Variants in PRRG1 observed in about 807,000 individuals in gnomAD.
PRRG1 encodes proline rich and Gla domain 1.
In PRRG1, 5 loss-of-function variants were observed where a neutral mutation model predicts 11.8. That is an observed-to-expected ratio of 0.42 (90% CI 0.22 to 0.89). PRRG1 has a LOEUF of 0.89. PRRG1 is among the 40% of genes least tolerant of loss of function. The probability of loss-of-function intolerance (pLI) is 0.28; values close to 1 mark genes in which losing one functional copy is unlikely to be tolerated. For missense variants in PRRG1, 155 were observed against 166.1 expected, an observed-to-expected ratio of 0.93 and a Z score of 0.37; for synonymous variants, 66 against 60.4, an observed-to-expected ratio of 1.09 and a Z score of -0.43.
chrX:37,441,005 G>A (rs939281217), intron 3 of PRRG1: 4 of 856,731 alleles, frequency 4.7e-6, no homozygotes, highest in East Asian at 3.8e-5. Flanking sequence ...CTGGACTCAA[G>A]TGATCCTCCT....
At chrX:37,403,993 G>T (rs1287185950) in intron 1 of PRRG1, among the ~76,000 whole-genome samples, 1 of 112,243 alleles carries the variant, frequency 8.9e-6, no homozygotes, top group Non-Finnish European at 1.9e-5. Context: ...AGTGATGCTT[G>T]TTGTCTCCAC....
chrX:37,387,162 T>C (rs1931355374), intron 1 of PRRG1, among the ~76,000 whole-genome samples: 1 of 112,038 alleles, frequency 8.9e-6, no homozygotes, highest in Non-Finnish European at 1.9e-5. Flanking sequence ...TTCCAAGACC[T>C]TATCAACCAA....
At chrX:37,452,466 C>T (rs1165657478) in intron 3 of PRRG1, among the ~76,000 whole-genome samples, 5 of 112,089 alleles carry the variant, frequency 4.5e-5, no homozygotes, top group African/African-American at 1.6e-4. Flanking sequence ...TCTTGAACTA[C>T]TGGACTACTT....
chrX:37,434,700 G>A (rs1270145166), intron 3 of PRRG1, among the ~76,000 whole-genome samples: 1 of 111,379 alleles, frequency 9.0e-6, no homozygotes, highest in African/African-American at 3.3e-5. Flanking sequence ...CATAGTTTTT[G>A]GAACAGAGAA....
intron 2 of PRRG1, among the ~76,000 whole-genome samples, chrX:37,422,745 A>G (rs1490771188): frequency 8.9e-6 from 1 of 111,962 alleles, no homozygotes; most frequent in Non-Finnish European, 1.9e-5. Context: ...TGATGGTCCC[A>G]TAAGATTAGG....
intron 3 of PRRG1, among the ~76,000 whole-genome samples, chrX:37,429,771 T>G (rs1195255452): frequency 4.5e-5 from 5 of 111,703 alleles, no homozygotes; most frequent in African/African-American, 1.6e-4. Context: ...GTATTAGTCG[T>G]TTTTACACTG....
intron 2 of PRRG1, among the ~76,000 whole-genome samples, chrX:37,420,227 C>T (rs1414445433): frequency 9.0e-6 from 1 of 111,118 alleles, no homozygotes; most frequent in Admixed American, 9.6e-5. Flanking sequence ...TTCTGACAAC[C>T]CTTTTTCTTT....
chrX:37,357,754 T>C (rs1176078206), intron 1 of PRRG1, among the ~76,000 whole-genome samples: 1 of 112,025 alleles, frequency 8.9e-6, no homozygotes, highest in African/African-American at 3.2e-5. Flanking sequence ...TCAGGCACCC[T>C]TTGGGGTCTT....
chrX:37,431,290 A>G (rs1354509545), intron 3 of PRRG1, among the ~76,000 whole-genome samples: 4 of 112,077 alleles, frequency 3.6e-5, no homozygotes, highest in Non-Finnish European at 5.6e-5. Context: ...GTTGCATGGT[A>G]TATGTGTAGT....
At chrX:37,430,652 T>C (rs782418342) in intron 3 of PRRG1, among the ~76,000 whole-genome samples, 1 of 111,894 alleles carries the variant, frequency 8.9e-6, no homozygotes, top group African/African-American at 3.2e-5. Context: ...GAAATAATTA[T>C]AGATTCACAA....
At position 37,392,744 on chromosome X, in the gene PRRG1, A is replaced by G. The variant is rs555846354; in HGVS notation, c.-41-13465A>G. Among the ~76,000 whole-genome samples, 103 of 110,468 alleles carry G rather than the reference A, an allele frequency of 9.3e-4. 1 individual carries two copies. The South Asian group carries it at 0.039, about 42-fold the overall frequency. ...ATAAACCCACAGAAGTACTTCTCTT[A>G]CACAGGCAATAGTTATTTAAATAAC... On this transcript the variant is annotated intron_variant, in intron 1 of 3. Coordinates refer to ENST00000378628, the MANE Select transcript of PRRG1 (RefSeq NM_001142395.2).
At chrX:37,413,308 A>G (rs1299462256) in intron 2 of PRRG1, among the ~76,000 whole-genome samples, 1 of 110,647 alleles carries the variant, frequency 9.0e-6, no homozygotes, top group Non-Finnish European at 1.9e-5. Context: ...CCACCTATTC[A>G]TGCCTCCTGC....
chrX:37,397,977 A>AACACACAC (rs782125904), intron 1 of PRRG1, among the ~76,000 whole-genome samples: 1,401 of 83,955 alleles, frequency 0.017, 30 homozygotes, highest in African/African-American at 0.061. Flanking sequence ...TATAAAAACT[A>AACACACAC]ACACACACAC....
chrX:37,434,213 G>A (rs1932861047), intron 3 of PRRG1, among the ~76,000 whole-genome samples: 1 of 112,177 alleles, frequency 8.9e-6, no homozygotes, highest in South Asian at 3.7e-4. Context: ...AATGTTTATT[G>A]TTGGAATTAT....
intron 3 of PRRG1, among the ~76,000 whole-genome samples, chrX:37,452,683 G>GTT (rs781881778): frequency 1.9e-4 from 21 of 112,024 alleles, no homozygotes; most frequent in Non-Finnish European, 3.8e-4. Flanking sequence ...TTTCTGGAGT[G>GTT]TTTGAGTACT....
At chrX:37,403,084 G>T (rs1556380925) in intron 1 of PRRG1, among the ~76,000 whole-genome samples, 1 of 109,098 alleles carries the variant, frequency 9.2e-6, no homozygotes, top group African/African-American at 3.4e-5. Context: ...ATTCCTCAGG[G>T]ATCTAGAACT....
At chrX:37,415,271 C>T (rs1395374161) in intron 2 of PRRG1, among the ~76,000 whole-genome samples, 4 of 111,068 alleles carry the variant, frequency 3.6e-5, no homozygotes, top group Non-Finnish European at 7.6e-5. Context: ...TACCCGCGCA[C>T]GGTGGTGCAC....
At chrX:37,419,536 T>C (rs7061086) in intron 2 of PRRG1, among the ~76,000 whole-genome samples, 21,991 of 111,178 alleles carry the variant, frequency 0.2, 2,513 homozygotes, top group African/African-American at 0.43. Context: ...AAAAGACTTA[T>C]AAGATTCTAC....
intron 1 of PRRG1, among the ~76,000 whole-genome samples, chrX:37,371,904 A>G (rs981204507): frequency 8.8e-6 from 1 of 113,195 alleles, no homozygotes; most frequent in Non-Finnish European, 1.9e-5. Flanking sequence ...GAGTGGGTGG[A>G]ATGAGCTCAG....
Sources: allele counts gnomAD v4.1 joint callset (sites outside exome capture counted in the v4.1 genomes callset), GRCh38; gene constraint gnomAD v4.1.1; transcripts MANE v1.5; gene names NCBI Gene and HGNC (gene_info 2026-07-23, HGNC 2026-07-21).